Variants in PSEN2 observed in about 807,000 individuals in gnomAD.
PSEN2 encodes the protein presenilin 2, also known as presenilin-2.
A neutral mutation model predicts 49.1 loss-of-function variants in PSEN2; 32 were observed. The ratio of observed to expected loss-of-function variants is 0.65; its 90% CI spans 0.49 to 0.88. The LOEUF is 0.88. Among genes scored for constraint, PSEN2 ranks in the 40% least tolerant of loss-of-function variants. PSEN2 has a pLI of 0.00. For synonymous variants in PSEN2, 255 were observed against 244.0 expected, an observed-to-expected ratio of 1.05 and a Z score of -0.42; for missense variants, 522 against 586.9, an observed-to-expected ratio of 0.89 and a Z score of 1.14.
intron 3 of PSEN2, among the ~76,000 whole-genome samples, chr1:226,876,024 G>A (rs1255253620): frequency 6.6e-6 from 1 of 152,136 alleles, no homozygotes; most frequent in Non-Finnish European, 1.5e-5. Flanking sequence ...TAGAGAATGG[G>A]GTGCAGGGGG....
chr1:226,899,344 C>T (rs1010117420), downstream of PSEN2: 1 of 152,152 alleles, frequency 6.6e-6, no homozygotes, highest in African/African-American at 2.4e-5. Context: ...TGAACAGTCT[C>T]TCCTTTCTCG....
intron 12 of PSEN2, among the ~76,000 whole-genome samples, chr1:226,902,444 A>G (rs2102705938): frequency 6.6e-6 from 1 of 151,998 alleles, no homozygotes; most frequent in Non-Finnish European, 1.5e-5. Flanking sequence ...GGGAGGATGG[A>G]GAGAAGAGAG....
intron 3 of PSEN2, among the ~76,000 whole-genome samples, chr1:226,876,469 T>C (rs1660634135): frequency 6.6e-6 from 1 of 152,240 alleles, no homozygotes; most frequent in South Asian, 2.1e-4. Flanking sequence ...TGATGCTCGT[T>C]ATTTTCCTTT....
downstream of PSEN2, among the ~76,000 whole-genome samples, chr1:226,901,112 G>A (rs1662301041): frequency 6.6e-6 from 1 of 152,178 alleles, no homozygotes; most frequent in South Asian, 2.1e-4. Flanking sequence ...TAACAAGCAT[G>A]GGCTGCCATC....
At chr1:226,880,385 A>G in intron 3 of PSEN2, 1 of 721,540 alleles carries the variant, frequency 1.4e-6, no homozygotes, top group Non-Finnish European at 2.0e-6. Flanking sequence ...CTAGAAATAA[A>G]AATAAAAAAA....
Position 226,888,930 on chromosome 1 carries a change from G to C in PSEN2, c.668G>C (p.Gly223Ala). The C allele has an allele frequency of 1.2e-6, 2 of 1,614,146 alleles. No individual in the cohort carries two copies. The highest frequency in any genetic ancestry group is 1.7e-6 in the Non-Finnish European group (2 of 1,180,012). ...AVGMVCIHWK[G>A]PLVLQQAYLI... ...GGCATGGTGTGCATCCACTGGAAGGGCCCTCTGGTGCTGCAGCAGGCCTAC... is the reference window on the plus strand; with the variant it reads ...GGCATGGTGTGCATCCACTGGAAGGCCCCTCTGGTGCTGCAGCAGGCCTAC... The change falls in exon 8 of 13, where the codon GGC becomes GCC. Residue 223 changes from glycine to alanine, a missense_variant. By Grantham distance (60) the Gly-to-Ala change is moderately conservative. Coordinates refer to ENST00000366783, the MANE Select transcript of PSEN2 (RefSeq NM_000447.3).
At chr1:226,894,424 G>A (rs980857103) in intron 12 of PSEN2, among the ~76,000 whole-genome samples, 5 of 152,362 alleles carry the variant, frequency 3.3e-5, no homozygotes, top group Middle Eastern at 3.4e-3. Flanking sequence ...ACAGCTTTGC[G>A]CAGTGATGAT....
In PSEN2 at chr1:226,882,417, G is replaced by C. The variant is rs12562405; in HGVS notation, c.141+369G>C. Among the ~76,000 whole-genome samples the C allele has an allele frequency of 2.1e-3, 317 of 152,346 alleles. 7 individuals are homozygous for C. The East Asian group carries it at 0.035, about 17-fold the overall frequency. On this transcript the variant is annotated intron_variant, in intron 4 of 12. Transcript: ENST00000366783. ...GTAGCAGGGGAAGCATTTTTTGGCA[G>C]ATGGCCAGACATGGTAAGTGTGAGA... is the stretch of plus-strand genomic sequence containing the variant.
Position 226,883,897 on chromosome 1 carries a change from T to C in PSEN2, c.334T>C (p.Tyr112His). The change falls in exon 5 of 13, where the codon TAC (tyrosine) becomes CAC (histidine). Residue 112 changes from tyrosine to histidine, a missense_variant. Transcript: ENST00000366783. ...AGCCACCATCAAGTCTGTGCGCTTC[T>C]ACACAGAGAAGAATGGACAGCTGTG... is the stretch of plus-strand genomic sequence containing the variant. ...VVATIKSVRF[Y>H]TEKNGQLIYT... The C allele has an allele frequency of 7.1e-7, 1 of 1,410,540 alleles. No homozygotes were observed. The highest frequency in any genetic ancestry group is 9.4e-7 in the Non-Finnish European group (1 of 1,058,924). The allele number at this position is 1,410,540 out of a possible 1,614,324, so 87.4% of individuals were successfully genotyped here.
chr1:226,888,433 A>T (rs1295456049), intron 7 of PSEN2, among the ~76,000 whole-genome samples: 1 of 152,142 alleles, frequency 6.6e-6, no homozygotes, highest in Non-Finnish European at 1.5e-5. Flanking sequence ...CCCCAGGGGG[A>T]TAGAAACCCC....
In PSEN2 at chr1:226,885,507, G is replaced by A. The variant is rs192142511; in HGVS notation, c.357-31G>A. On this transcript the variant is annotated intron_variant, in intron 5 of 12. Transcript: ENST00000366783. Reference sequence around the variant, plus strand: ...GGAGCCTCGAGGAGCAGTCAGGGCCGGGAGCATCAGCCCTTTGCCTTCTCC... The same window carrying A: ...GGAGCCTCGAGGAGCAGTCAGGGCCAGGAGCATCAGCCCTTTGCCTTCTCC... The A allele has an allele frequency of 6.8e-4, 1,102 of 1,612,008 alleles. 2 individuals carry two copies. The highest frequency in any genetic ancestry group is 8.6e-4 in the Non-Finnish European group (1,014 of 1,179,178).
chr1:226,897,997 C>G (rs989189261), downstream of PSEN2: 1 of 152,854 alleles, frequency 6.5e-6, no homozygotes, highest in Non-Finnish European at 1.5e-5. Flanking sequence ...GCTCTTGTCA[C>G]CCAGGCTAGA....
At chr1:226,889,911 G>C (rs1470207351) in intron 8 of PSEN2, 124 bp from the exon 9 acceptor site, 1 of 790,904 alleles carries the variant, frequency 1.3e-6, no homozygotes, top group Non-Finnish European at 2.2e-6. Flanking sequence ...TGAGAATTTG[G>C]GATGCCAGCC....
chr1:226,901,201 C>T (rs1026121379), downstream of PSEN2, among the ~76,000 whole-genome samples: 5 of 152,008 alleles, frequency 3.3e-5, no homozygotes, highest in Non-Finnish European at 2.9e-5. Context: ...TGTGGGAGGC[C>T]GAGGTGGGCG....
intron 7 of PSEN2, 67 bp from the exon 8 acceptor site, chr1:226,888,759 ATGG>A: frequency 3.7e-6 from 5 of 1,361,130 alleles, no homozygotes; most frequent in Non-Finnish European, 4.2e-6. Context: ...TTGGGACTGA[ATGG>A]TGGTAAACTG....
chr1:226,883,913 G>A lies in PSEN2; in HGVS notation c.350G>A (p.Gly117Glu). Residue 117 changes from glycine to glutamate, a missense_variant, in exon 5 of 13, where the codon GGA becomes GAA. By Grantham distance (98) the Gly-to-Glu change is moderately conservative (BLOSUM62 -2). Transcript: ENST00000366783. The part of the protein sequence containing the change: ...KSVRFYTEKN[G>E]QLIYTPFTED... ...GTGCGCTTCTACACAGAGAAGAATG[G>A]ACAGCTGTGAGTTGGGGGGCTGGGG... 7.1e-7 allele frequency: 1 copy of A among 1,413,514 alleles called. No individual in the cohort carries two copies. Among genetic ancestry groups the A allele is most frequent in the South Asian group, 1.1e-5 (1 of 88,666 alleles). 87.6% of individuals were successfully genotyped at this position (1,413,514 alleles called of 1,614,324 possible). A position where few individuals can be genotyped will look rare whatever the true frequency, so the allele number is the denominator to read the frequency against.
intron 12 of PSEN2, among the ~76,000 whole-genome samples, 192 bp from the exon 13 acceptor site, chr1:226,895,232 C>G (rs1018626251): frequency 4.6e-5 from 7 of 152,200 alleles, no homozygotes; most frequent in Non-Finnish European, 7.3e-5. Flanking sequence ...GTGAGGTGAT[C>G]TAATGGGGGT....
intron 3 of PSEN2, among the ~76,000 whole-genome samples, chr1:226,877,001 C>A (rs544854371): frequency 6.6e-6 from 1 of 152,278 alleles, no homozygotes; most frequent in African/African-American, 2.4e-5. Flanking sequence ...TCCCTAGTTG[C>A]TCTCTGACCA....
At position 226,881,795 on chromosome 1, in the gene PSEN2, A is replaced by G. The variant is rs1015439457; in HGVS notation, c.-20-93A>G. ...AGCTTTTGGGGCAGGACTTGTGTCC[A>G]AGTCTCCAGGTCGCCTCCAGCCACC... On this transcript the variant is annotated intron_variant, in intron 3 of 12. Coordinates refer to ENST00000366783, the MANE Select transcript of PSEN2 (RefSeq NM_000447.3). The G allele has an allele frequency of 7.6e-5, 108 of 1,419,930 alleles. No individual in the cohort carries two copies. The Admixed American group carries it at 1.8e-3, about 23-fold the overall frequency. 88.0% of individuals were successfully genotyped at this position (1,419,930 alleles called of 1,614,324 possible).
Sources: allele counts gnomAD v4.1 joint callset (sites outside exome capture counted in the v4.1 genomes callset), GRCh38; gene constraint gnomAD v4.1.1; transcripts MANE v1.5; gene names NCBI Gene and HGNC (gene_info 2026-07-23, HGNC 2026-07-21).